CUX2: variants seen among roughly 807,000 people sequenced by gnomAD.
CUX2 encodes the protein cut like homeobox 2, also known as homeobox protein cut-like 2.
In CUX2, 40 loss-of-function variants were observed where a neutral mutation model predicts 144.8. The ratio of observed to expected loss-of-function variants is 0.28; its 90% confidence interval spans 0.21 to 0.36. The LOEUF (loss-of-function observed/expected upper bound fraction) is 0.36, where lower values mean the gene tolerates loss of function less well. CUX2 is among the 10% of genes least tolerant of loss of function. The pLI is 1.00. For synonymous variants in CUX2, 827 were observed against 875.6 expected, an observed-to-expected ratio of 0.94 and a Z score of 0.98; for missense variants, 1,615 against 1,994.0, an observed-to-expected ratio of 0.81 and a Z score of 3.62.
At chr12:111,195,856 T>A (rs553771415) in intron 1 of CUX2, among the ~76,000 whole-genome samples, 1 of 152,274 alleles carries the variant, frequency 6.6e-6, no homozygotes, top group South Asian at 2.1e-4. Flanking sequence ...TCCAGCAGCT[T>A]TATTGAGATA....
intron 1 of CUX2, among the ~76,000 whole-genome samples, chr12:111,093,024 C>T (rs546617337): frequency 6.6e-6 from 1 of 152,176 alleles, no homozygotes; most frequent in East Asian, 1.9e-4. Context: ...CCATATTGCC[C>T]AGGCTGGTCT....
chr12:111,054,209 G>C (rs1392618847), intron 1 of CUX2, among the ~76,000 whole-genome samples: 1 of 152,230 alleles, frequency 6.6e-6, no homozygotes, highest in Non-Finnish European at 1.5e-5. Context: ...TCTTCAGTGT[G>C]AGAGCTGGCG....
intron 1 of CUX2, among the ~76,000 whole-genome samples, chr12:111,100,417 G>C (rs1300232032): frequency 6.6e-6 from 1 of 152,160 alleles, no homozygotes; most frequent in Non-Finnish European, 1.5e-5. Flanking sequence ...GTGTGTCTGT[G>C]TGTCTTTGGA....
chr12:111,244,292 G>A (rs1883167701), intron 3 of CUX2, among the ~76,000 whole-genome samples: 1 of 152,170 alleles, frequency 6.6e-6, no homozygotes, highest in Non-Finnish European at 1.5e-5. Flanking sequence ...GAGAAAGTCG[G>A]CCTAGAGAGG....
chr12:111,172,114 TGTG>T (rs1440201818), intron 1 of CUX2, among the ~76,000 whole-genome samples: 3 of 151,176 alleles, frequency 2.0e-5, no homozygotes, highest in Non-Finnish European at 4.4e-5. Context: ...TGCATATGCT[TGTG>T]TGTGTGTGTG....
intron 3 of CUX2, among the ~76,000 whole-genome samples, chr12:111,238,266 G>A (rs973443886): frequency 6.6e-6 from 1 of 152,226 alleles, no homozygotes; most frequent in African/African-American, 2.4e-5. Context: ...ACCAAAGGAA[G>A]GAGGCAGCAT....
At position 111,068,498 on chromosome 12, in the gene CUX2, A is replaced by AT. The variant is rs1871112748; in HGVS notation, c.63+34265dup. Among the ~76,000 whole-genome samples the AT allele has an allele frequency of 1.3e-5, 2 of 151,954 alleles. No homozygotes were observed. The highest frequency in any genetic ancestry group is 2.1e-4 in the South Asian group (1 of 4,814). ...GACGCCTGCAACAGTGAGCTTTTTT[A>AT]TTTTTTTCCAGAAAGCCTTCAGCCC... On this transcript the variant is annotated intron_variant, in intron 1 of 21. Coordinates refer to ENST00000261726, the MANE Select transcript of CUX2 (RefSeq NM_015267.4). The surrounding 1 kb of genome is among the most constrained non-coding windows in gnomAD (Gnocchi z 4.9).
intron 1 of CUX2, among the ~76,000 whole-genome samples, chr12:111,106,931 T>C (rs1383796046): frequency 6.6e-6 from 1 of 152,180 alleles, no homozygotes; most frequent in Non-Finnish European, 1.5e-5. Context: ...TTGGGCTTTG[T>C]GTCAGCAGCT....
At chr12:111,239,053 T>C (rs1304578748) in intron 3 of CUX2, among the ~76,000 whole-genome samples, 1 of 152,024 alleles carries the variant, frequency 6.6e-6, no homozygotes, top group Non-Finnish European at 1.5e-5. Flanking sequence ...TCTAAATAGA[T>C]AAATAAATAA....
At chr12:111,331,464 C>T (rs922532959) in intron 18 of CUX2, among the ~76,000 whole-genome samples, 2 of 152,196 alleles carry the variant, frequency 1.3e-5, no homozygotes, top group African/African-American at 4.8e-5. Flanking sequence ...GCTTGCCAAC[C>T]CATTAGGGGT....
At chr12:111,326,519 CAT>C (rs1019945648) in intron 18 of CUX2, among the ~76,000 whole-genome samples, 149 of 151,846 alleles carry the variant, frequency 9.8e-4, no homozygotes, top group African/African-American at 3.4e-3. Context: ...TTTTTTGAGA[CAT>C]AGTCTCACTC....
rs1406098303 is a variant in CUX2, at chr12:111,296,525, G to A, written c.690G>A (p.Glu230=). 6.2e-7 allele frequency: 1 copy of A among 1,611,418 alleles called. No individual in the cohort carries two copies. Among genetic ancestry groups the A allele is most frequent in the Non-Finnish European group, 8.5e-7 (1 of 1,178,738 alleles). ...ELLELRRKYD[E]EAASKADEVG... is the part of the protein sequence containing the mutation. ...TAGAGCTGCGGCGGAAGTACGACGA[G>A]GAGGCAGCATCCAAGTAAGTGAGCC... The change falls in exon 8 of 22, where the codon GAG becomes GAA. Residue 230 remains glutamate (E), a synonymous_variant. Coordinates refer to ENST00000261726, the MANE Select transcript of CUX2 (RefSeq NM_015267.4).
At chr12:111,336,424 T>TTGTGTGTGTGTGTGTG (rs57009074) in intron 19 of CUX2, among the ~76,000 whole-genome samples, 52 of 146,130 alleles carry the variant, frequency 3.6e-4, no homozygotes, top group East Asian at 3.2e-3. Context: ...CACTTCAGTG[T>TTGTGTGTGTGTGTGTG]TGTGTGTGTG....
intron 1 of CUX2, among the ~76,000 whole-genome samples, chr12:111,131,196 G>T (rs149180587): frequency 1.2e-3 from 188 of 152,242 alleles, no homozygotes; most frequent in African/African-American, 4.2e-3. Flanking sequence ...CTTACATGGT[G>T]GTGGCAAGAG....
chr12:111,114,329 A>G (rs1356360726), intron 1 of CUX2, among the ~76,000 whole-genome samples: 9 of 151,830 alleles, frequency 5.9e-5, no homozygotes, highest in African/African-American at 1.9e-4. Flanking sequence ...TTTCATTTGC[A>G]TTTCCCTAAT....
Position 111,320,627 on chromosome 12 carries a change from C to T in CUX2, c.2618C>T (p.Pro873Leu), listed in dbSNP as rs1402492462. Reference protein sequence around the residue: ...ARLPYYPAYVPRTLKPTVPPL... With the variant: ...ARLPYYPAYVLRTLKPTVPPL... ...CTGCCCTACTACCCGGCCTACGTGC[C>T]GCGCACCCTGAAGCCCACCGTGCCG... The change falls in exon 17 of 22, where the codon CCG becomes CTG. Residue 873 changes from proline to leucine, a missense_variant. Physicochemically the swap from Pro to Leu is moderately conservative, Grantham distance 98. Transcript: ENST00000261726. The surrounding 1 kb of genome is among the most constrained non-coding windows in gnomAD (Gnocchi z 8.1). 2.5e-6 allele frequency: 4 copies of T among 1,590,538 alleles called. No homozygotes were observed. In the East Asian group the frequency reaches 6.8e-5, roughly 27 times the overall value.
Position 111,218,559 on chromosome 12 carries a change from G to C in CUX2, c.222+622G>C, listed in dbSNP as rs76925936. On this transcript the variant is annotated intron_variant, in intron 3 of 21. Transcript: ENST00000261726. ...AAATTTAAGAAAGATCTATGACCTT[G>C]AACAAACCTACCTCACCTTCCAGCC... Among the ~76,000 whole-genome samples the C allele has an allele frequency of 6.1e-3, 922 of 152,192 alleles. 8 individuals are homozygous for C. The highest frequency in any genetic ancestry group is 0.021 in the African/African-American group (862 of 41,526).
intron 1 of CUX2, among the ~76,000 whole-genome samples, chr12:111,188,695 G>T (rs1013875656): frequency 2.0e-5 from 3 of 152,182 alleles, no homozygotes; most frequent in African/African-American, 7.2e-5. Context: ...CAGCTTGCTG[G>T]CCCTGGGGAG....
At chr12:111,173,018 G>A (rs921433676) in intron 1 of CUX2, among the ~76,000 whole-genome samples, 1 of 152,242 alleles carries the variant, frequency 6.6e-6, no homozygotes. Flanking sequence ...GTGAGTGCGG[G>A]ACTGGAATCT....
Sources: gnomAD v4.1 joint callset for allele counts (sites outside exome capture counted in the v4.1 genomes callset) on GRCh38, gnomAD v4.1.1 for gene constraint, Gnocchi (gnomAD v3.1) non-coding constraint, MANE v1.5 for transcripts, NCBI Gene and HGNC (gene_info 2026-07-23, HGNC 2026-07-21) for gene names.